Variants in UBE2D2 observed in about 807,000 individuals in gnomAD.
The protein encoded by UBE2D2 is ubiquitin conjugating enzyme E2 D2, also known as ubiquitin-conjugating enzyme E2 D2.
UBE2D2 carries 2 observed loss-of-function variants against 24.2 expected under a neutral mutation model. The ratio of observed to expected loss-of-function variants is 0.08; its 90% CI spans 0.03 to 0.26. The LOEUF is 0.26. UBE2D2 is among the 10% of genes least tolerant of loss of function. The pLI is 1.00. For missense variants in UBE2D2, 44 were observed against 177.6 expected (o/e 0.25, Z 4.28); for synonymous variants, 58 against 56.5 (o/e 1.03, Z -0.12).
At chr5:139,605,321 G>A (rs938128843) in intron 2 of UBE2D2, among the ~76,000 whole-genome samples, 3 of 151,976 alleles carry the variant, frequency 2.0e-5, no homozygotes, top group South Asian at 2.1e-4. Context: ...AGCCGGGCCC[G>A]GTGGCTCACG....
At chr5:139,572,176 G>C (rs1753364740) in intron 1 of UBE2D2, among the ~76,000 whole-genome samples, 2 of 152,092 alleles carry the variant, frequency 1.3e-5, no homozygotes. Context: ...CAGTTCCTTT[G>C]GCTTCTGATA....
rs532252974 is a variant in UBE2D2 at position 139,535,961 on chromosome 5, C to T, written c.-64+9349C>T. Among the ~76,000 whole-genome samples the T allele has an allele frequency of 4.0e-5, 6 of 150,214 alleles. No homozygotes were observed. In the South Asian group the frequency reaches 6.3e-4, roughly 16 times the overall value. On this transcript the variant is annotated intron_variant, in intron 1 of 6. Coordinates refer to the UBE2D2 transcript ENST00000511725. Reference sequence around the variant, plus strand: ...AGACTGGAGTGCAGTGGCGTGATCTCGGCTCACTGCAACCTCTGCCTGCCA... The same window carrying T: ...AGACTGGAGTGCAGTGGCGTGATCTTGGCTCACTGCAACCTCTGCCTGCCA...
intron 1 of UBE2D2, among the ~76,000 whole-genome samples, chr5:139,575,711 T>TA (rs1287392724): frequency 6.6e-6 from 1 of 152,234 alleles, no homozygotes; most frequent in African/African-American, 2.4e-5. Flanking sequence ...GCTAAATTCT[T>TA]AAGGGCTTAT....
chr5:139,567,731 A>T (rs1177313124), intron 1 of UBE2D2, among the ~76,000 whole-genome samples: 1 of 149,298 alleles, frequency 6.7e-6, no homozygotes, highest in Non-Finnish European at 1.5e-5. Context: ...ACGGGGTTTC[A>T]CCATGTTGGC....
At chr5:139,597,995 G>A (rs565482542) in intron 1 of UBE2D2, among the ~76,000 whole-genome samples, 66 of 152,194 alleles carry the variant, frequency 4.3e-4, no homozygotes, top group African/African-American at 1.4e-3. Flanking sequence ...TCCACCTCCC[G>A]GGTTCACACC....
At chr5:139,570,951 G>A (rs1753340909) in intron 1 of UBE2D2, among the ~76,000 whole-genome samples, 1 of 152,170 alleles carries the variant, frequency 6.6e-6, no homozygotes, top group African/African-American at 2.4e-5. Flanking sequence ...CTACTCCCTA[G>A]GCAGAGCAGC....
At chr5:139,601,755 A>G (rs1215177312) in intron 2 of UBE2D2, among the ~76,000 whole-genome samples, 1 of 152,038 alleles carries the variant, frequency 6.6e-6, no homozygotes, top group African/African-American at 2.4e-5. Flanking sequence ...TAAAAATAGA[A>G]AAAAATTTAG....
intron 2 of UBE2D2, among the ~76,000 whole-genome samples, chr5:139,608,578 G>A (rs1198428499): frequency 8.6e-5 from 13 of 151,878 alleles, no homozygotes; most frequent in Non-Finnish European, 1.9e-4. Context: ...AACATGGGAA[G>A]ACCCCGTCTC....
chr5:139,614,850 T>C lies in UBE2D2; in HGVS notation c.199-11T>C, dbSNP rs1395520675. 1.9e-6 allele frequency: 3 copies of C among 1,612,366 alleles called. No individual in the cohort carries two copies. The highest frequency in any genetic ancestry group is 2.5e-6 in the Non-Finnish European group (3 of 1,179,178). ...AAACTAGTTTACAGAAAGTTTCCTT[T>C]CTTTCTGTAGGTTGCATTTACAACA... On this transcript the variant is annotated splice_polypyrimidine_tract_variant and intron_variant, in intron 4 of 6. Transcript: ENST00000398733.
chr5:139,543,088 G>GGTTT (rs756568058), intron 1 of UBE2D2, among the ~76,000 whole-genome samples: 36 of 152,144 alleles, frequency 2.4e-4, no homozygotes, highest in Non-Finnish European at 3.8e-4. Flanking sequence ...GTAGAGACGA[G>GGTTT]GTTTCACCAT....
At chr5:139,607,639 T>C (rs1227850622) in intron 2 of UBE2D2, among the ~76,000 whole-genome samples, 2 of 152,210 alleles carry the variant, frequency 1.3e-5, no homozygotes, top group Non-Finnish European at 2.9e-5. Flanking sequence ...TAAACAGATA[T>C]GATCTACTAA....
intron 1 of UBE2D2, among the ~76,000 whole-genome samples, chr5:139,582,775 A>G (rs1753633574): frequency 7.0e-6 from 1 of 142,734 alleles, no homozygotes; most frequent in Admixed American, 7.5e-5. Context: ...GGTTCACTCC[A>G]TTCTCCAGCC....
intron 1 of UBE2D2, among the ~76,000 whole-genome samples, chr5:139,551,645 A>G (rs903548706): frequency 1.3e-5 from 2 of 152,226 alleles, no homozygotes; most frequent in African/African-American, 4.8e-5. Context: ...TGGGGATTAA[A>G]AGAGGAACAA....
Position 139,547,152 on chromosome 5 carries a change from G to C in UBE2D2, c.-64+20540G>C, listed in dbSNP as rs1039311406. On this transcript the variant is annotated intron_variant, in intron 1 of 6. Coordinates refer to the UBE2D2 transcript ENST00000511725. ...AAAAATACAAAAAAATTAGACAGGC[G>C]TAGTGGCGGGCGCCTGTAGTCCCAG... Among the ~76,000 whole-genome samples the C allele has an allele frequency of 3.3e-5, 5 of 151,674 alleles. No individual in the cohort carries two copies. The South Asian group carries it at 1.0e-3, about 32-fold the overall frequency.
At position 139,537,006 on chromosome 5, in the gene UBE2D2, C is replaced by T. The variant is rs181580659; in HGVS notation, c.-64+10394C>T. Among the ~76,000 whole-genome samples, 382 of 151,924 alleles carry T rather than the reference C, an allele frequency of 2.5e-3. 1 individual carries two copies. Among genetic ancestry groups the T allele is most frequent in the Non-Finnish European group, 3.8e-3 (260 of 67,964 alleles). On this transcript the variant is annotated intron_variant, in intron 1 of 6. Coordinates refer to the UBE2D2 transcript ENST00000511725. ...CATCCTGGCTAACATGGTGAAACCC[C>T]GTTTCTACTAAAAATACAAAAAGAA... is the stretch of plus-strand genomic sequence containing the variant.
At chr5:139,568,130 G>C (rs1403520359) in intron 1 of UBE2D2, among the ~76,000 whole-genome samples, 3 of 151,594 alleles carry the variant, frequency 2.0e-5, no homozygotes, top group African/African-American at 7.3e-5. Context: ...GACCACCTGA[G>C]GTCAGGAGTT....
chr5:139,582,605 A>G (rs1298060527), intron 1 of UBE2D2, among the ~76,000 whole-genome samples: 1 of 151,078 alleles, frequency 6.6e-6, no homozygotes. Flanking sequence ...GGAATTTTCT[A>G]CTTGTGGCAT....
intron 1 of UBE2D2, among the ~76,000 whole-genome samples, chr5:139,580,524 C>T (rs975472606): frequency 9.2e-5 from 14 of 152,096 alleles, no homozygotes; most frequent in African/African-American, 2.9e-4. Flanking sequence ...TGCAGTGGCG[C>T]GATCTCGGCT....
chr5:139,564,639 G>C (rs1361786152), intron 1 of UBE2D2, among the ~76,000 whole-genome samples: 2 of 152,072 alleles, frequency 1.3e-5, no homozygotes, highest in East Asian at 3.9e-4. Context: ...ATTTTTAGTA[G>C]AGACGGGATT....
Sources: gnomAD v4.1 joint callset for allele counts (sites outside exome capture counted in the v4.1 genomes callset) on GRCh38, gnomAD v4.1.1 for gene constraint, MANE v1.5 for transcripts, NCBI Gene and HGNC (gene_info 2026-07-23, HGNC 2026-07-21) for gene names.